Variants in CACNA1E observed in about 807,000 individuals in gnomAD.
CACNA1E encodes calcium voltage-gated channel subunit alpha1 E.
Under a neutral mutation model 259.2 loss-of-function variants are expected in CACNA1E, and 40 were observed. The ratio of observed to expected loss-of-function variants is 0.15; its 90% confidence interval spans 0.12 to 0.20. The LOEUF is 0.20. Ranked by LOEUF, CACNA1E falls within the 10% of genes least tolerant of loss-of-function variation. CACNA1E has a pLI of 1.00. For synonymous variants in CACNA1E, 1,104 were observed against 1,138.5 expected (o/e 0.97, Z 0.61); for missense variants, 1,874 against 3,040.1 (o/e 0.62, Z 9.02).
In CACNA1E at chr1:181,440,769, C is replaced by A. The variant is rs116581215; in HGVS notation, c.434+27189C>A. Among the ~76,000 whole-genome samples the A allele has an allele frequency of 1.3e-3, 197 of 151,882 alleles. 1 individual carries two copies. The highest frequency in any genetic ancestry group is 4.3e-3 in the African/African-American group (179 of 41,436). On this transcript the variant is annotated intron_variant, in intron 2 of 11. Coordinates refer to the CACNA1E transcript ENST00000524607. ...TGGGGTAGGCCTTGGATTGCCTGAG[C>A]CCAGGAGTTCGACACCAGCCTGGGC...
At chr1:181,710,808 C>T in intron 7 of CACNA1E, 146 bp from the exon 8 acceptor site, 2 of 625,242 alleles carry the variant, frequency 3.2e-6, no homozygotes, top group Non-Finnish European at 5.7e-6. Flanking sequence ...GTAAGGAGGT[C>T]ATATTTGCAG....
chr1:181,610,912 T>C (rs1342794903), intron 6 of CACNA1E, among the ~76,000 whole-genome samples: 5 of 152,244 alleles, frequency 3.3e-5, no homozygotes, highest in Non-Finnish European at 5.9e-5. Context: ...TATTTCCAAC[T>C]CTTACAACTT....
At chr1:181,412,623 G>A (rs940703355) in intron 1 of CACNA1E, among the ~76,000 whole-genome samples, 1 of 152,028 alleles carries the variant, frequency 6.6e-6, no homozygotes, top group African/African-American at 2.4e-5. Context: ...CACTTGGGAG[G>A]CAGGGCAGCA....
chr1:181,674,084 A>G (rs979180659), intron 7 of CACNA1E, among the ~76,000 whole-genome samples: 1 of 152,050 alleles, frequency 6.6e-6, no homozygotes, highest in Non-Finnish European at 1.5e-5. Flanking sequence ...AAATGATAGA[A>G]TAAGTAAGCA....
chr1:181,435,431 C>CTCT (rs1660027008), intron 2 of CACNA1E, among the ~76,000 whole-genome samples: 1 of 152,174 alleles, frequency 6.6e-6, no homozygotes, highest in Non-Finnish European at 1.5e-5. Context: ...TTTCCTTGTA[C>CTCT]TCTTACTCAC....
At chr1:181,336,285 A>G (rs943385146) in intron 1 of CACNA1E, among the ~76,000 whole-genome samples, 1 of 152,230 alleles carries the variant, frequency 6.6e-6, no homozygotes, top group African/African-American at 2.4e-5. Context: ...ACTGTTAATA[A>G]TAATGATAAA....
intron 3 of CACNA1E, among the ~76,000 whole-genome samples, chr1:181,515,595 G>C (rs1020762576): frequency 1.3e-5 from 2 of 152,170 alleles, no homozygotes; most frequent in African/African-American, 4.8e-5. Context: ...CTTGCATTGG[G>C]AACAACTCAG....
intron 3 of CACNA1E, among the ~76,000 whole-genome samples, chr1:181,546,344 GGAGTGAT>G (rs2102812227): frequency 6.6e-6 from 1 of 152,234 alleles, no homozygotes; most frequent in African/African-American, 2.4e-5. Context: ...TCTGCCTTAT[GGAGTGAT>G]GAGAAGGAAT....
At position 181,785,708 on chromosome 1, in the gene CACNA1E, C is replaced by T. The variant is rs752889493; in HGVS notation, c.5680-5C>T. 1.0e-5 allele frequency: 16 copies of T among 1,599,956 alleles called. No individual in the cohort carries two copies. The highest frequency in any genetic ancestry group is 1.4e-5 in the Non-Finnish European group (16 of 1,168,098). ...CTTTCCTTCTTCTTCCCTCTTTTTA[C>T]CCAGAAAAATGCCCCCATGTTCCAG... On this transcript the variant is annotated splice_polypyrimidine_tract_variant and splice_region_variant and intron_variant, in intron 42 of 47. Transcript: ENST00000367573.
intron 6 of CACNA1E, among the ~76,000 whole-genome samples, chr1:181,589,637 T>C (rs764823949): frequency 5.3e-5 from 8 of 152,074 alleles, no homozygotes; most frequent in Non-Finnish European, 1.0e-4. Flanking sequence ...GAGGATCTCT[T>C]GAGTCCAGGA....
intron 1 of CACNA1E, among the ~76,000 whole-genome samples, chr1:181,344,174 A>T (rs922536138): frequency 6.6e-6 from 1 of 152,144 alleles, no homozygotes; most frequent in African/African-American, 2.4e-5. Flanking sequence ...TCTCTGTGCA[A>T]CTGTAAGCTA....
intron 1 of CACNA1E, among the ~76,000 whole-genome samples, chr1:181,407,748 T>C (rs1657569327): frequency 6.6e-6 from 1 of 152,210 alleles, no homozygotes; most frequent in Admixed American, 6.5e-5. Flanking sequence ...CCTCTCAGAG[T>C]AGGCGGGTGA....
intron 18 of CACNA1E, among the ~76,000 whole-genome samples, chr1:181,727,147 T>C (rs1220643890): frequency 6.6e-6 from 1 of 152,094 alleles, no homozygotes; most frequent in Non-Finnish European, 1.5e-5. Context: ...AAAACAATGA[T>C]TGGGGAAGGT....
chr1:181,608,479 G>A (rs916938086), intron 6 of CACNA1E, among the ~76,000 whole-genome samples: 8 of 152,162 alleles, frequency 5.3e-5, no homozygotes, highest in South Asian at 2.1e-4. Context: ...TTTCCACAGA[G>A]GAGATCCATT....
chr1:181,332,319 C>T (rs1651344595), intron 1 of CACNA1E, among the ~76,000 whole-genome samples: 1 of 152,136 alleles, frequency 6.6e-6, no homozygotes, highest in Non-Finnish European at 1.5e-5. Flanking sequence ...CACCATGGCA[C>T]ACATTTACCT....
intron 1 of CACNA1E, among the ~76,000 whole-genome samples, chr1:181,356,608 G>T (rs1653458326): frequency 6.6e-6 from 1 of 152,204 alleles, no homozygotes; most frequent in Non-Finnish European, 1.5e-5. Context: ...CAGGCCTTCA[G>T]GGAGAAGAGA....
intron 18 of CACNA1E, among the ~76,000 whole-genome samples, chr1:181,728,581 C>A (rs1401822791): frequency 6.6e-6 from 1 of 151,756 alleles, no homozygotes; most frequent in East Asian, 2.0e-4. Context: ...GACGTGTGCA[C>A]CCTGCTCGTG....
intron 7 of CACNA1E, among the ~76,000 whole-genome samples, chr1:181,664,254 C>G (rs542041431): frequency 2.0e-5 from 3 of 152,282 alleles, no homozygotes; most frequent in African/African-American, 7.2e-5. Flanking sequence ...TGCAATGGGA[C>G]CTTTGCTGCT....
intron 16 of CACNA1E, among the ~76,000 whole-genome samples, chr1:181,723,134 C>T (rs137957645): frequency 1.3e-5 from 2 of 152,270 alleles, no homozygotes; most frequent in African/African-American, 4.8e-5. Flanking sequence ...TGGAACCCTT[C>T]AGGACCCTCA....
Sources: allele counts gnomAD v4.1 joint callset (sites outside exome capture counted in the v4.1 genomes callset), GRCh38; gene constraint gnomAD v4.1.1; transcripts MANE v1.5; gene names NCBI Gene and HGNC (gene_info 2026-07-23, HGNC 2026-07-21).